RPS6KA2: variants seen among roughly 807,000 people sequenced by gnomAD.
RPS6KA2 encodes the protein ribosomal protein S6 kinase alpha-2.
In RPS6KA2, 42 loss-of-function variants were observed where a neutral mutation model predicts 91.8. That is an observed-to-expected ratio of 0.46 (90% CI 0.36 to 0.59). The LOEUF is 0.59. Among genes scored for constraint, RPS6KA2 ranks in the 20% least tolerant of loss-of-function variants. RPS6KA2 has a pLI of 0.00. For synonymous variants in RPS6KA2, 414 were observed against 393.6 expected, an observed-to-expected ratio of 1.05 and a Z score of -0.61; for missense variants, 798 against 978.5, an observed-to-expected ratio of 0.82 and a Z score of 2.46.
At chr6:166,743,320 T>A (rs147667242) in intron 2 of RPS6KA2, among the ~76,000 whole-genome samples, 1 of 152,334 alleles carries the variant, frequency 6.6e-6, no homozygotes, top group East Asian at 1.9e-4. Flanking sequence ...CCTGGTGCCA[T>A]TCCCCCAGGA....
At chr6:166,455,088 C>G (rs911424330) in intron 12 of RPS6KA2, among the ~76,000 whole-genome samples, 3 of 152,014 alleles carry the variant, frequency 2.0e-5, no homozygotes, top group Admixed American at 6.6e-5. Context: ...GAATTCTCTA[C>G]CCGCAGGCCT....
At chr6:166,839,063 C>G (rs1181379117) in intron 2 of RPS6KA2, among the ~76,000 whole-genome samples, 3 of 152,168 alleles carry the variant, frequency 2.0e-5, no homozygotes, top group African/African-American at 7.2e-5. Context: ...CTGCCAACTC[C>G]TCGATCTTAG....
At chr6:166,572,791 G>A (rs530983208) in intron 1 of RPS6KA2, among the ~76,000 whole-genome samples, 25 of 152,336 alleles carry the variant, frequency 1.6e-4, no homozygotes, top group Non-Finnish European at 3.4e-4. Flanking sequence ...CACTAGCAAC[G>A]GCACACGTGT....
At chr6:166,853,525 T>A (rs2128633029) in intron 2 of RPS6KA2, among the ~76,000 whole-genome samples, 1 of 152,270 alleles carries the variant, frequency 6.6e-6, no homozygotes. Context: ...TCCTCCTCCA[T>A]CAGGACAGCC....
intron 2 of RPS6KA2, among the ~76,000 whole-genome samples, chr6:166,824,796 T>C (rs1401528898): frequency 3.3e-5 from 5 of 149,268 alleles, no homozygotes; most frequent in African/African-American, 1.2e-4. Flanking sequence ...TGTGTGTGTG[T>C]CTGTGTGTCT....
intron 1 of RPS6KA2, among the ~76,000 whole-genome samples, chr6:166,570,618 A>G (rs998259248): frequency 6.6e-6 from 1 of 152,222 alleles, no homozygotes; most frequent in African/African-American, 2.4e-5. Flanking sequence ...AAATAAATAC[A>G]GCAGATCTAA....
chr6:166,846,843 C>T (rs1780618745), intron 2 of RPS6KA2, among the ~76,000 whole-genome samples: 1 of 152,120 alleles, frequency 6.6e-6, no homozygotes, highest in Admixed American at 6.5e-5. Context: ...CAACATAGTA[C>T]TGGAAGTCCT....
chr6:166,702,497 T>C (rs1789555727), intron 2 of RPS6KA2: 1 of 1,572,204 alleles, frequency 6.4e-7, no homozygotes, highest in Non-Finnish European at 8.8e-7. Flanking sequence ...TCCGAGTCAG[T>C]GTTCACTTGC....
chr6:166,423,203 G>T lies in RPS6KA2; in HGVS notation c.1743+53C>A. Reference sequence around the variant, plus strand: ...GGTGGCTCTGCAGTGGGAGGGGGCAGAGCCTGTCTTTGCGGATAGAGAGGC... The same window carrying T: ...GGTGGCTCTGCAGTGGGAGGGGGCATAGCCTGTCTTTGCGGATAGAGAGGC... On this transcript the variant is annotated intron_variant, in intron 17 of 20. Coordinates refer to ENST00000265678, the MANE Select transcript of RPS6KA2 (RefSeq NM_021135.6). This position sits in a 1 kb window ranked among gnomAD's most constrained non-coding sequence, Gnocchi z 4.8. 1 of 1,555,118 alleles carries T rather than the reference G, an allele frequency of 6.4e-7. No homozygotes were observed. Among genetic ancestry groups the T allele is most frequent in the East Asian group, 2.3e-5 (1 of 43,908 alleles).
At chr6:166,832,833 G>T (rs1167725414) in intron 2 of RPS6KA2, among the ~76,000 whole-genome samples, 1 of 152,158 alleles carries the variant, frequency 6.6e-6, no homozygotes, top group Non-Finnish European at 1.5e-5. Context: ...CATAATTAAA[G>T]AAACTAAATG....
intron 2 of RPS6KA2, among the ~76,000 whole-genome samples, chr6:166,793,085 T>C (rs1264193354): frequency 6.6e-6 from 1 of 152,098 alleles, no homozygotes; most frequent in East Asian, 1.9e-4. Context: ...GCAGATGACA[T>C]GATTGTATAT....
At chr6:166,721,610 G>A (rs1181483778) in intron 2 of RPS6KA2, among the ~76,000 whole-genome samples, 3 of 152,216 alleles carry the variant, frequency 2.0e-5, no homozygotes, top group African/African-American at 7.2e-5. Context: ...GCAGCTTTCC[G>A]GGCAGTGCTG....
chr6:166,790,822 T>C (rs957476807), intron 2 of RPS6KA2, among the ~76,000 whole-genome samples: 12 of 152,166 alleles, frequency 7.9e-5, no homozygotes, highest in African/African-American at 2.7e-4. Context: ...CTGAGAGATT[T>C]TGTCACCACC....
chr6:166,446,088 C>T (rs1779670122), intron 14 of RPS6KA2, among the ~76,000 whole-genome samples: 1 of 152,240 alleles, frequency 6.6e-6, no homozygotes, highest in Admixed American at 6.5e-5. Context: ...GTGCTCTGCA[C>T]TGGGTCAAAG....
chr6:166,502,584 G>A (rs73790245), intron 6 of RPS6KA2, among the ~76,000 whole-genome samples: 11,957 of 152,254 alleles, frequency 0.079, 993 homozygotes, highest in African/African-American at 0.21. Context: ...AGGGCCGCAC[G>A]AGGAGGAGGA....
chr6:166,774,426 C>T (rs559083516), intron 2 of RPS6KA2, among the ~76,000 whole-genome samples: 5 of 152,246 alleles, frequency 3.3e-5, no homozygotes, highest in South Asian at 2.1e-4. Flanking sequence ...GTGGTGCAGC[C>T]GTCTTTACCC....
Position 166,852,693 on chromosome 6 carries a change from G to A in RPS6KA2, c.123+5507C>T, listed in dbSNP as rs144964570. On this transcript the variant is annotated intron_variant, in intron 2 of 21. Coordinates refer to the RPS6KA2 transcript ENST00000503859. The surrounding 1 kb of genome is among the most constrained non-coding windows in gnomAD (Gnocchi z 4.1). Reference sequence around the variant, plus strand: ...TCGGCAACTCCGGGAGCTGGGCATTGGAGGAGGCCACGCTGACACGCTCAG... The same window carrying A: ...TCGGCAACTCCGGGAGCTGGGCATTAGAGGAGGCCACGCTGACACGCTCAG... 6.7e-3 allele frequency among the ~76,000 whole-genome samples: 1,025 copies of A among 152,188 alleles called. 15 individuals carry two copies. Among genetic ancestry groups the A allele is most frequent in the African/African-American group, 0.024 (978 of 41,536 alleles).
At chr6:166,430,286 C>T (rs1417058241) in intron 16 of RPS6KA2, among the ~76,000 whole-genome samples, 167 bp downstream of exon 16, 1 of 152,060 alleles carries the variant, frequency 6.6e-6, no homozygotes, top group Non-Finnish European at 1.5e-5. Flanking sequence ...AATTTTTCTT[C>T]CCTTGCACCG....
intron 3 of RPS6KA2, among the ~76,000 whole-genome samples, chr6:166,523,412 G>A (rs1253624798): frequency 6.6e-6 from 1 of 152,198 alleles, no homozygotes; most frequent in Non-Finnish European, 1.5e-5. Context: ...GTCATCTGGT[G>A]AGGATGCAGC....
Sources: gnomAD v4.1 joint callset for allele counts (sites outside exome capture counted in the v4.1 genomes callset) on GRCh38, gnomAD v4.1.1 for gene constraint, Gnocchi (gnomAD v3.1) non-coding constraint, MANE v1.5 for transcripts, NCBI Gene and HGNC (gene_info 2026-07-23, HGNC 2026-07-21) for gene names.